Variants in AFAP1 observed in about 807,000 individuals in gnomAD.
The protein encoded by AFAP1 is actin filament associated protein 1, also known as actin filament-associated protein 1.
AFAP1 carries 75 observed loss-of-function variants against 93.9 expected under a neutral mutation model. The observed-to-expected ratio is 0.80, with a 90% CI of 0.66 to 0.97. AFAP1 has a LOEUF of 0.97. AFAP1 is among the 50% of genes least tolerant of loss of function. The pLI is 0.00. For missense variants in AFAP1, 1,201 were observed against 1,050.8 expected, an observed-to-expected ratio of 1.14 and a Z score of -1.98; for synonymous variants, 517 against 430.7, an observed-to-expected ratio of 1.20 and a Z score of -2.48.
chr4:7,780,139 C>T (rs1004610957), intron 13 of AFAP1, among the ~76,000 whole-genome samples: 1 of 152,226 alleles, frequency 6.6e-6, no homozygotes, highest in African/African-American at 2.4e-5. Context: ...GAGTGCAACA[C>T]ATAACCTGAC....
intron 15 of AFAP1, chr4:7,774,436 A>C (rs746400120): frequency 5.5e-6 from 2 of 362,352 alleles, no homozygotes; most frequent in Non-Finnish European, 9.9e-6. Flanking sequence ...GCCATCCTCC[A>C]GACAATCTCT....
intron 1 of AFAP1, among the ~76,000 whole-genome samples, chr4:7,923,864 T>C (rs1720568880): frequency 6.6e-6 from 1 of 152,072 alleles, no homozygotes; most frequent in African/African-American, 2.4e-5. Context: ...CATCCCCTAA[T>C]ACCATCACAC....
chr4:7,797,875 C>T (rs1718585782), intron 10 of AFAP1, among the ~76,000 whole-genome samples: 1 of 151,966 alleles, frequency 6.6e-6, no homozygotes, highest in Non-Finnish European at 1.5e-5. Context: ...GACATACAGA[C>T]GTAGAGAGAA....
chr4:7,879,636 G>A (rs1348310067), intron 1 of AFAP1, among the ~76,000 whole-genome samples: 4 of 150,374 alleles, frequency 2.7e-5, no homozygotes, highest in Non-Finnish European at 1.5e-5. Context: ...CATTAGAAAA[G>A]CAAAACTCCC....
chr4:7,793,681 C>T lies in AFAP1; in HGVS notation c.1412G>A (p.Cys471Tyr). The T allele has an allele frequency of 1.3e-6, 2 of 1,538,296 alleles. No homozygotes were observed. The highest frequency in any genetic ancestry group is 1.8e-6 in the Non-Finnish European group (2 of 1,126,412). The change falls in exon 11 of 18, where the codon TGT becomes TAT. Residue 471 changes from cysteine to tyrosine, a missense_variant and splice_region_variant. Physicochemically the swap from Cys to Tyr is radical, Grantham distance 194 (BLOSUM62 -2). Coordinates refer to ENST00000420658, the MANE Select transcript of AFAP1 (RefSeq NM_001134647.2). Reference sequence around the variant, plus strand: ...CATTTCACATGGCAGTGGGTCTTACCAGAAGGTCTGTTTGGCTGTCTGAAT... The same window carrying T: ...CATTTCACATGGCAGTGGGTCTTACTAGAAGGTCTGTTTGGCTGTCTGAAT... ...SVIQTAKQTF[C>Y]FMNRRVISAN...
chr4:7,822,875 G>A (rs1721096323), intron 6 of AFAP1, among the ~76,000 whole-genome samples: 1 of 149,640 alleles, frequency 6.7e-6, no homozygotes, highest in African/African-American at 2.5e-5. Flanking sequence ...TTACAGGCGT[G>A]AGCCACTGCG....
chr4:7,827,152 G>C (rs375942998), intron 6 of AFAP1, among the ~76,000 whole-genome samples: 44 of 152,236 alleles, frequency 2.9e-4, no homozygotes, highest in African/African-American at 8.7e-4. Context: ...CCGTAAGCCC[G>C]AGTACAGGTA....
At chr4:7,806,633 A>G (rs944713022) in intron 9 of AFAP1, among the ~76,000 whole-genome samples, 13 of 152,034 alleles carry the variant, frequency 8.6e-5, no homozygotes, top group African/African-American at 3.1e-4. Context: ...GAAACTTTGC[A>G]GCTGTACTAA....
chr4:7,767,206 G>T (rs369055564), intron 17 of AFAP1, among the ~76,000 whole-genome samples: 4 of 152,160 alleles, frequency 2.6e-5, no homozygotes, highest in East Asian at 3.9e-4. Context: ...CTATCAGTGG[G>T]GACCCATCTG....
intron 2 of AFAP1, among the ~76,000 whole-genome samples, chr4:7,870,124 T>G (rs557219557): frequency 1.3e-5 from 2 of 152,214 alleles, no homozygotes; most frequent in Non-Finnish European, 2.9e-5. Flanking sequence ...AATACTACCA[T>G]TAGCCCTTTT....
At chr4:7,923,812 C>G (rs1416925101) in intron 1 of AFAP1, among the ~76,000 whole-genome samples, 1 of 152,086 alleles carries the variant, frequency 6.6e-6, no homozygotes, top group African/African-American at 2.4e-5. Context: ...CCAGGGCCCA[C>G]GCTCATGACC....
chr4:7,881,466 T>C lies in AFAP1; in HGVS notation c.-2-9386A>G, dbSNP rs556452514. ...CCTGCCAATGCCACTCATTTGGCCC[T>C]CATCCTCCACTGCTCCTTAGAAACC... On this transcript the variant is annotated intron_variant, in intron 1 of 17. Transcript: ENST00000420658. Among the ~76,000 whole-genome samples, 10 of 152,274 alleles carry C rather than the reference T, an allele frequency of 6.6e-5. No individual in the cohort carries two copies. The South Asian group carries it at 1.9e-3, about 28-fold the overall frequency.
intron 17 of AFAP1, among the ~76,000 whole-genome samples, chr4:7,765,219 C>G (rs779831346): frequency 6.6e-6 from 1 of 152,198 alleles, no homozygotes; most frequent in Non-Finnish European, 1.5e-5. Flanking sequence ...CATCTCCACT[C>G]TGCCCTGCTG....
intron 13 of AFAP1, 79 bp from the exon 14 acceptor site, chr4:7,778,955 A>G: frequency 1.8e-6 from 2 of 1,111,014 alleles, no homozygotes; most frequent in Non-Finnish European, 2.6e-6. Context: ...TTCTGGAGTC[A>G]TTTCTTTCAG....
At chr4:7,824,455 T>C (rs762139741) in intron 6 of AFAP1, among the ~76,000 whole-genome samples, 1 of 147,710 alleles carries the variant, frequency 6.8e-6, no homozygotes, top group Non-Finnish European at 1.5e-5. Flanking sequence ...AGACAGTCAG[T>C]TAATTCTGTC....
At chr4:7,793,270 G>T (rs1718061001) in intron 11 of AFAP1, among the ~76,000 whole-genome samples, 1 of 152,108 alleles carries the variant, frequency 6.6e-6, no homozygotes, top group South Asian at 2.1e-4. Context: ...CTGCTTCGTA[G>T]AACTGTTCCC....
intron 1 of AFAP1, among the ~76,000 whole-genome samples, chr4:7,917,234 C>A (rs1033558777): frequency 6.6e-6 from 1 of 152,096 alleles, no homozygotes; most frequent in African/African-American, 2.4e-5. Flanking sequence ...AGCACTCCAG[C>A]GAACAAAAGG....
At chr4:7,770,846 T>C (rs1715330060) in intron 16 of AFAP1, among the ~76,000 whole-genome samples, 1 of 152,140 alleles carries the variant, frequency 6.6e-6, no homozygotes, top group Non-Finnish European at 1.5e-5. Flanking sequence ...TGGGGGACTG[T>C]GTGCACTCCT....
At chr4:7,766,457 G>T (rs570811817) in intron 17 of AFAP1, among the ~76,000 whole-genome samples, 1 of 152,192 alleles carries the variant, frequency 6.6e-6, no homozygotes, top group Non-Finnish European at 1.5e-5. Context: ...AACATTCCAA[G>T]CCTAGGTCAC....
Sources: allele counts gnomAD v4.1 joint callset (sites outside exome capture counted in the v4.1 genomes callset), GRCh38; gene constraint gnomAD v4.1.1; transcripts MANE v1.5; gene names NCBI Gene and HGNC (gene_info 2026-07-23, HGNC 2026-07-21).